Variants in DNAAF9 observed in about 807,000 individuals in gnomAD.
The protein encoded by DNAAF9 is dynein axonemal assembly factor 9.
DNAAF9 carries 90 observed loss-of-function variants against 167.0 expected under a neutral mutation model. The ratio of observed to expected loss-of-function variants is 0.54; its 90% CI spans 0.45 to 0.64. DNAAF9 has a LOEUF of 0.64. Ranked by LOEUF, DNAAF9 falls within the 30% of genes least tolerant of loss-of-function variation. DNAAF9 has a pLI of 0.00. For missense variants in DNAAF9, 1,315 were observed against 1,442.2 expected, an observed-to-expected ratio of 0.91 and a Z score of 1.43; for synonymous variants, 491 against 508.8, an observed-to-expected ratio of 0.96 and a Z score of 0.47.
At chr20:3,384,592 C>T (rs544606202) in intron 1 of DNAAF9, among the ~76,000 whole-genome samples, 51 of 149,654 alleles carry the variant, frequency 3.4e-4, no homozygotes, top group Non-Finnish European at 4.4e-4. Context: ...AGGCTAGACT[C>T]GAACTCCTGG....
At position 3,326,177 on chromosome 20, in the gene DNAAF9, A is replaced by C; in HGVS notation, c.1188+20T>G. ...ATTAAAATAATAATTACAGAAAGGG[A>C]AACATGGTATTTAAATTACCTTTGT... On this transcript the variant is annotated intron_variant, in intron 13 of 36. Coordinates refer to ENST00000252032, the MANE Select transcript of DNAAF9 (RefSeq NM_001009984.3). 1 of 1,467,298 alleles carries C rather than the reference A, an allele frequency of 6.8e-7. No individual in the cohort carries two copies. Among genetic ancestry groups the C allele is most frequent in the Non-Finnish European group, 9.5e-7 (1 of 1,047,322 alleles). The allele number at this position is 1,467,298 out of a possible 1,614,324, so 90.9% of individuals were successfully genotyped here. A position where few individuals can be genotyped will look rare whatever the true frequency, so the allele number is the denominator to read the frequency against.
chr20:3,348,780 T>C (rs999981068), intron 7 of DNAAF9, among the ~76,000 whole-genome samples, 157 bp from the exon 8 acceptor site: 2 of 152,200 alleles, frequency 1.3e-5, no homozygotes, highest in Admixed American at 6.5e-5. Flanking sequence ...GCTACTCCTA[T>C]GGATGAATCT....
intron 36 of DNAAF9, among the ~76,000 whole-genome samples, chr20:3,252,914 G>C (rs1261293558): frequency 6.6e-6 from 1 of 152,244 alleles, no homozygotes; most frequent in Non-Finnish European, 1.5e-5. Context: ...GAGCCCTTCA[G>C]CTTCAGCCCT....
intron 8 of DNAAF9, among the ~76,000 whole-genome samples, chr20:3,344,158 C>T (rs528539498): frequency 6.6e-6 from 1 of 152,108 alleles, no homozygotes; most frequent in African/African-American, 2.4e-5. Context: ...TCTACATTTC[C>T]AATACATTAA....
chr20:3,308,336 C>CT (rs1484444594), intron 20 of DNAAF9, among the ~76,000 whole-genome samples: 1 of 124,532 alleles, frequency 8.0e-6, no homozygotes, highest in Non-Finnish European at 1.6e-5. Flanking sequence ...CTGTACAAAA[C>CT]TTTACTTTTT....
intron 33 of DNAAF9, among the ~76,000 whole-genome samples, chr20:3,256,574 A>G (rs536964111): frequency 3.3e-5 from 5 of 152,326 alleles, no homozygotes; most frequent in South Asian, 2.1e-4. Context: ...GAGGAACAAA[A>G]TAAGTTTCTG....
intron 6 of DNAAF9, among the ~76,000 whole-genome samples, chr20:3,365,737 C>G (rs754301966): frequency 6.6e-6 from 1 of 152,136 alleles, no homozygotes; most frequent in African/African-American, 2.4e-5. Context: ...AAATTAGAGT[C>G]AATTCTCTCA....
chr20:3,254,306 T>C (rs1048514985), intron 35 of DNAAF9, among the ~76,000 whole-genome samples: 17 of 152,144 alleles, frequency 1.1e-4, no homozygotes, highest in African/African-American at 4.1e-4. Flanking sequence ...CTTGAACTCC[T>C]GACCTCAAGT....
Position 3,315,009 on chromosome 20 carries a change from A to G in DNAAF9, c.1678+24T>C. 6.8e-7 allele frequency: 1 copy of G among 1,461,616 alleles called. No homozygotes were observed. Among genetic ancestry groups the G allele is most frequent in the Non-Finnish European group, 9.6e-7 (1 of 1,044,760 alleles). The allele number at this position is 1,461,616 out of a possible 1,614,324, so 90.5% of individuals were successfully genotyped here. ...AATGAGGGACCCAGACATGGCCAAAAACATTAAAGTCATAGCTCCTTACCT... is the reference window on the plus strand; with the variant it reads ...AATGAGGGACCCAGACATGGCCAAAGACATTAAAGTCATAGCTCCTTACCT... On this transcript the variant is annotated intron_variant, in intron 20 of 36. Transcript: ENST00000252032. The surrounding 1 kb of genome is among the most constrained non-coding windows in gnomAD (Gnocchi z 4.1).
chr20:3,407,319 C>T (rs183999266), intron 1 of DNAAF9, among the ~76,000 whole-genome samples, 156 bp downstream of exon 1: 1 of 152,244 alleles, frequency 6.6e-6, no homozygotes, highest in East Asian at 1.9e-4. Flanking sequence ...CTACAGAGGG[C>T]GCCGTTCCTG....
Position 3,332,900 on chromosome 20 carries a change from G to GTGTGTGT in DNAAF9, c.982-540_982-539insACACACA, listed in dbSNP as rs1376871054. On this transcript the variant is annotated intron_variant, in intron 10 of 36. Coordinates refer to ENST00000252032, the MANE Select transcript of DNAAF9 (RefSeq NM_001009984.3). ...CATGCGTGTGTGCGTGTGTGCGTGT[G>GTGTGTGT]GTGTGTGTGTGTGTGTGTGTGTGTG... 7.9e-4 allele frequency among the ~76,000 whole-genome samples: 116 copies of GTGTGTGT among 146,936 alleles called. 1 individual carries two copies. Among genetic ancestry groups the GTGTGTGT allele is most frequent in the South Asian group, 2.0e-3 (9 of 4,582 alleles).
chr20:3,364,348 A>G (rs2083403041), intron 6 of DNAAF9, among the ~76,000 whole-genome samples: 1 of 152,120 alleles, frequency 6.6e-6, no homozygotes, highest in African/African-American at 2.4e-5. Context: ...TTGTATTCCT[A>G]TAAATATTCT....
At chr20:3,378,072 G>C (rs894202282) in intron 3 of DNAAF9, among the ~76,000 whole-genome samples, 4 of 152,190 alleles carry the variant, frequency 2.6e-5, no homozygotes, top group Non-Finnish European at 4.4e-5. Flanking sequence ...ACGAGTCAAA[G>C]AACAGCCTCC....
In DNAAF9 at chr20:3,250,612, A is replaced by G. The variant is rs910768; in HGVS notation, c.*1960T>C. 1.3e-5 allele frequency: 2 copies of G among 152,214 alleles called. No homozygotes were observed. The highest frequency in any genetic ancestry group is 4.8e-5 in the African/African-American group (2 of 41,454). 9.4% of individuals were successfully genotyped at this position (152,214 alleles called of 1,614,324 possible). On this transcript the variant is annotated 3_prime_UTR_variant, in exon 37 of 37. Transcript: ENST00000252032. ...AGAGAGCATTTCTGTGAAGAGAAAC[A>G]AAGACCACCACGTAGTACAGCCCCA... is the stretch of plus-strand genomic sequence containing the variant.
intron 9 of DNAAF9, among the ~76,000 whole-genome samples, chr20:3,342,608 C>CTACCTG (rs1347262510): frequency 6.6e-6 from 1 of 152,178 alleles, no homozygotes; most frequent in East Asian, 1.9e-4. Flanking sequence ...CTTAAAAATA[C>CTACCTG]TACCTTAAGC....
At chr20:3,380,100 T>C (rs1271978669) in intron 3 of DNAAF9, among the ~76,000 whole-genome samples, 2 of 152,108 alleles carry the variant, frequency 1.3e-5, no homozygotes, top group African/African-American at 4.8e-5. Context: ...AGCACACCTT[T>C]AAGAATTTAA....
At chr20:3,385,864 T>C (rs1345326700) in intron 1 of DNAAF9, among the ~76,000 whole-genome samples, 5 of 152,156 alleles carry the variant, frequency 3.3e-5, no homozygotes, top group African/African-American at 7.2e-5. Context: ...TCTAAATAAA[T>C]AGTAAGACAT....
At chr20:3,371,943 T>C (rs774819315) in intron 6 of DNAAF9, among the ~76,000 whole-genome samples, 3 of 152,164 alleles carry the variant, frequency 2.0e-5, no homozygotes, top group African/African-American at 4.8e-5. Flanking sequence ...GGAACTTCCC[T>C]GTACTGCTTC....
At chr20:3,388,010 G>A (rs1490904019) in intron 1 of DNAAF9, among the ~76,000 whole-genome samples, 1 of 149,672 alleles carries the variant, frequency 6.7e-6, no homozygotes, top group Non-Finnish European at 1.5e-5. Context: ...AGGCTGCAGT[G>A]TGAGATGTGT....
Sources: allele counts gnomAD v4.1 joint callset (sites outside exome capture counted in the v4.1 genomes callset), GRCh38; gene constraint gnomAD v4.1.1; non-coding constraint Gnocchi (gnomAD v3.1); transcripts MANE v1.5; gene names NCBI Gene and HGNC (gene_info 2026-07-23, HGNC 2026-07-21).